The following UBE2E2 variants were observed in gnomAD, a reference collection of about 807,000 sequenced individuals.
UBE2E2 encodes ubiquitin conjugating enzyme E2 E2, also known as ubiquitin-conjugating enzyme E2 E2.
UBE2E2 carries 6 observed loss-of-function variants against 24.7 expected under a neutral mutation model. The observed-to-expected ratio is 0.24, with a 90% CI of 0.13 to 0.48. The LOEUF (loss-of-function observed/expected upper bound fraction) is 0.48, where lower values mean the gene tolerates loss of function less well. Ranked by LOEUF, UBE2E2 falls within the 20% of genes least tolerant of loss-of-function variation. The pLI is 0.99. For missense variants in UBE2E2, 169 were observed against 245.0 expected (o/e 0.69, Z 2.07); for synonymous variants, 104 against 83.6 (o/e 1.24, Z -1.33).
intron 3 of UBE2E2, among the ~76,000 whole-genome samples, chr3:23,422,479 A>T (rs1330979429): frequency 6.6e-6 from 1 of 152,188 alleles, no homozygotes; most frequent in African/African-American, 2.4e-5. Flanking sequence ...ATGTTTCTTT[A>T]TGAAAATTTT....
At chr3:23,568,609 A>G (rs1359820486) in intron 5 of UBE2E2, among the ~76,000 whole-genome samples, 1 of 1,820 alleles carries the variant, frequency 5.5e-4, no homozygotes, top group Non-Finnish European at 9.7e-4. Context: ...ATGTATACAT[A>G]TATACACACA....
intron 3 of UBE2E2, among the ~76,000 whole-genome samples, chr3:23,324,596 T>C (rs1315304007): frequency 6.6e-6 from 1 of 152,142 alleles, no homozygotes; most frequent in Non-Finnish European, 1.5e-5. Flanking sequence ...GTTAGCTGAT[T>C]TCTTAAATTT....
intron 3 of UBE2E2, among the ~76,000 whole-genome samples, chr3:23,318,608 A>T (rs946128257): frequency 6.6e-6 from 1 of 152,230 alleles, no homozygotes; most frequent in Non-Finnish European, 1.5e-5. Flanking sequence ...GGTGGCAGGC[A>T]TGAGAGAAAA....
At chr3:23,350,081 A>T (rs180865933) in intron 3 of UBE2E2, among the ~76,000 whole-genome samples, 4,449 of 152,230 alleles carry the variant, frequency 0.029, 117 homozygotes, top group East Asian at 0.13. Context: ...CGTTCACAAA[A>T]ATCCGCTGTT....
chr3:23,428,477 C>G (rs1286346174), intron 3 of UBE2E2, among the ~76,000 whole-genome samples: 1 of 151,892 alleles, frequency 6.6e-6, no homozygotes, highest in Non-Finnish European at 1.5e-5. Context: ...AAGCTTCTAC[C>G]TTAGAAAAGA....
intron 3 of UBE2E2, among the ~76,000 whole-genome samples, chr3:23,325,344 A>G (rs921563087): frequency 6.6e-6 from 1 of 152,220 alleles, no homozygotes; most frequent in African/African-American, 2.4e-5. Context: ...TTCACAATTT[A>G]CATACTAATC....
intron 3 of UBE2E2, among the ~76,000 whole-genome samples, chr3:23,252,627 G>T (rs1449231609): frequency 6.6e-6 from 1 of 152,140 alleles, no homozygotes; most frequent in East Asian, 1.9e-4. Context: ...CTCCTCAGTA[G>T]CTGGGATTAC....
At chr3:23,535,856 C>T (rs1002228750) in intron 5 of UBE2E2, among the ~76,000 whole-genome samples, 1 of 151,996 alleles carries the variant, frequency 6.6e-6, no homozygotes, top group Non-Finnish European at 1.5e-5. Flanking sequence ...CTCCTGACCT[C>T]GTGATCCGCC....
chr3:23,449,766 CTAAA>C (rs1027874825), intron 3 of UBE2E2: 1 of 646,202 alleles, frequency 1.5e-6, no homozygotes, highest in African/African-American at 2.0e-5. Context: ...TTTGAATTAA[CTAAA>C]TAATCCAGTA....
intron 1 of UBE2E2, among the ~76,000 whole-genome samples, chr3:23,206,762 G>T (rs1456311805): frequency 3.3e-5 from 5 of 152,212 alleles, no homozygotes; most frequent in African/African-American, 1.2e-4. Context: ...CTTAGAGCAA[G>T]CTACAAGTTA....
rs3087043 is a variant in UBE2E2 at position 23,400,607 on chromosome 3, AACACACACACACACAC to A, written c.228-98981_228-98966del. ...GGTGGACAGAGAGGAGAATAAATGA[AACACACACACACACAC>A]ACACACACACACACACACATCTCAG... On this transcript the variant is annotated intron_variant, in intron 3 of 5. Transcript: ENST00000396703. 1.7e-3 allele frequency among the ~76,000 whole-genome samples: 235 copies of A among 137,834 alleles called. 6 individuals are homozygous for A. Among genetic ancestry groups the A allele is most frequent in the Middle Eastern group, 3.7e-3 (1 of 268 alleles). The allele number at this position is 137,834 out of a possible 152,430, so 90.4% of individuals were successfully genotyped here. A position where few individuals can be genotyped will look rare whatever the true frequency, so the allele number is the denominator to read the frequency against.
intron 4 of UBE2E2, among the ~76,000 whole-genome samples, chr3:23,524,190 T>C (rs1169288798): frequency 6.6e-6 from 1 of 152,226 alleles, no homozygotes; most frequent in Admixed American, 6.5e-5. Context: ...TTCTAAATTA[T>C]GTTTAGAATC....
At chr3:23,396,577 G>A (rs919066332) in intron 3 of UBE2E2, among the ~76,000 whole-genome samples, 6 of 151,972 alleles carry the variant, frequency 3.9e-5, no homozygotes, top group African/African-American at 7.2e-5. Flanking sequence ...GAGCATGGTC[G>A]TAGGAATCCA....
intron 4 of UBE2E2, among the ~76,000 whole-genome samples, chr3:23,505,858 A>G (rs1405181904): frequency 6.6e-6 from 1 of 152,170 alleles, no homozygotes; most frequent in Admixed American, 6.5e-5. Flanking sequence ...TATTTTTCTC[A>G]TTAGATTTTA....
intron 3 of UBE2E2, among the ~76,000 whole-genome samples, chr3:23,299,473 G>A (rs1417869382): frequency 1.3e-5 from 2 of 151,698 alleles, no homozygotes; most frequent in African/African-American, 4.8e-5. Flanking sequence ...CAGAGATTCT[G>A]GTATGTTGTG....
intron 3 of UBE2E2, among the ~76,000 whole-genome samples, chr3:23,419,984 G>A (rs1359831592): frequency 6.6e-6 from 1 of 152,120 alleles, no homozygotes; most frequent in Non-Finnish European, 1.5e-5. Flanking sequence ...CCTACTACTG[G>A]TGGGCTGCTA....
In UBE2E2 at chr3:23,589,726, C is replaced by T. The variant is rs759444711; in HGVS notation, c.509-8C>T. On this transcript the variant is annotated splice_region_variant and splice_polypyrimidine_tract_variant and intron_variant, in intron 5 of 5. Coordinates refer to ENST00000396703, the MANE Select transcript of UBE2E2 (RefSeq NM_152653.4). This position sits in a 1 kb window ranked among gnomAD's most constrained non-coding sequence, Gnocchi z 4.1. ...ATTTACTGACTCCCAACTCTGCTTTCCTTGCAGCTGACCCTCTGGTGGGCA... is the reference window on the plus strand; with the variant it reads ...ATTTACTGACTCCCAACTCTGCTTTTCTTGCAGCTGACCCTCTGGTGGGCA... 1.2e-6 allele frequency: 2 copies of T among 1,613,902 alleles called. No individual in the cohort carries two copies. The highest frequency in any genetic ancestry group is 1.3e-5 in the African/African-American group (1 of 75,038).
intron 3 of UBE2E2, among the ~76,000 whole-genome samples, chr3:23,344,558 A>G (rs972269441): frequency 4.5e-4 from 69 of 152,100 alleles, no homozygotes; most frequent in African/African-American, 1.5e-3. Flanking sequence ...CTGCTGCAAG[A>G]AATGAGTGAA....
At chr3:23,442,021 T>C (rs1254031244) in intron 3 of UBE2E2, among the ~76,000 whole-genome samples, 3 of 152,204 alleles carry the variant, frequency 2.0e-5, no homozygotes, top group Non-Finnish European at 4.4e-5. Context: ...ATTTAGATTT[T>C]AGTTCTGTGA....
Sources: gnomAD v4.1 joint callset for allele counts (sites outside exome capture counted in the v4.1 genomes callset) on GRCh38, gnomAD v4.1.1 for gene constraint, Gnocchi (gnomAD v3.1) non-coding constraint, MANE v1.5 for transcripts, NCBI Gene and HGNC (gene_info 2026-07-23, HGNC 2026-07-21) for gene names.